Variants in AFDN observed in about 807,000 individuals in gnomAD.
AFDN encodes afadin, adherens junction formation factor, also known as afadin.
A neutral mutation model predicts 216.6 loss-of-function variants in AFDN; 68 were observed. The observed-to-expected ratio is 0.31, with a 90% CI of 0.26 to 0.38. The LOEUF is 0.38. AFDN is among the 10% of genes least tolerant of loss of function. AFDN has a pLI of 1.00. For missense variants in AFDN, 2,136 were observed against 2,342.0 expected, an observed-to-expected ratio of 0.91 and a Z score of 1.82; for synonymous variants, 868 against 853.7, an observed-to-expected ratio of 1.02 and a Z score of -0.29.
At chr6:167,906,403 GTAA>G (rs1230209133) in intron 12 of AFDN, among the ~76,000 whole-genome samples, 2 of 152,310 alleles carry the variant, frequency 1.3e-5, no homozygotes, top group East Asian at 3.9e-4. Flanking sequence ...GTACAGTACA[GTAA>G]TAATCGCTAG....
At position 167,889,282 on chromosome 6, in the gene AFDN, A is replaced by T. The variant is rs774254646; in HGVS notation, c.965A>T (p.Asp322Val). The T allele has an allele frequency of 5.6e-6, 9 of 1,613,930 alleles. No individual in the cohort carries two copies. Among genetic ancestry groups the T allele is most frequent in the African/African-American group, 4.0e-5 (3 of 74,912 alleles). Residue 322 changes from aspartate to valine, a missense_variant, in exon 7 of 34, where the codon GAT becomes GTT. Asp to Val is a radical substitution (Grantham distance 152). This residue lies in a region of AFDN where 817 missense variants were observed against 965.7 expected (regional missense o/e 0.85). Coordinates refer to ENST00000683244, the MANE Select transcript of AFDN (RefSeq NM_001386888.1). ...GCTAAAGAAATTATTCTTGATGATG[A>T]TGAGTGTCCTTTACAAATCTTCAGG... ...KGAKEIILDDDECPLQIFREW... is the reference protein window; with the variant it reads ...KGAKEIILDDVECPLQIFREW...
At chr6:167,833,407 G>T (rs530830459) in intron 1 of AFDN, among the ~76,000 whole-genome samples, 4 of 152,278 alleles carry the variant, frequency 2.6e-5, no homozygotes, top group African/African-American at 9.6e-5. Context: ...TTTGGGGGGT[G>T]TTTTATTGGC....
chr6:167,943,294 T>G (rs1484330478), intron 24 of AFDN, 100 bp downstream of exon 24: 3 of 1,434,380 alleles, frequency 2.1e-6, no homozygotes, highest in African/African-American at 2.8e-5. Flanking sequence ...AGCACTATAG[T>G]GCTTGTTGGA....
chr6:167,963,116 C>G (rs1797203688), intron 31 of AFDN: 1 of 1,065,198 alleles, frequency 9.4e-7, no homozygotes, highest in Non-Finnish European at 1.1e-6. Context: ...TATTTATTTT[C>G]ATGTGTGTGT....
intron 29 of AFDN, among the ~76,000 whole-genome samples, chr6:167,950,034 G>T (rs1795783736): frequency 1.3e-5 from 2 of 152,306 alleles, no homozygotes; most frequent in South Asian, 2.1e-4. Flanking sequence ...CGGCAGCAGG[G>T]AGCGGCGGTA....
chr6:167,944,619 A>T (rs1293636970), intron 26 of AFDN, among the ~76,000 whole-genome samples: 1 of 152,176 alleles, frequency 6.6e-6, no homozygotes. Flanking sequence ...ATTCGTCCTT[A>T]GTTTATCTCA....
Position 167,948,548 on chromosome 6 carries a change from T to C in AFDN, c.3831+70T>C, listed in dbSNP as rs779215909. The C allele has an allele frequency of 8.5e-5, 121 of 1,428,014 alleles. No homozygotes were observed. In the Middle Eastern group the frequency reaches 3.4e-3, roughly 40 times the overall value. 88.5% of individuals were successfully genotyped at this position (1,428,014 alleles called of 1,614,324 possible). On this transcript the variant is annotated intron_variant, in intron 29 of 33. Transcript: ENST00000683244. ...GGACACACTGAGTTCTGAGACACAATTAATATTTTCTATAGAACAGCATTG... is the reference window on the plus strand; with the variant it reads ...GGACACACTGAGTTCTGAGACACAACTAATATTTTCTATAGAACAGCATTG...
intron 20 of AFDN, among the ~76,000 whole-genome samples, chr6:167,918,448 T>G (rs1372461396): frequency 6.6e-6 from 1 of 152,222 alleles, no homozygotes; most frequent in Non-Finnish European, 1.5e-5. Context: ...TTCTTGTGAT[T>G]GAACAATTTC....
At chr6:167,969,251 T>A in intron 33 of AFDN, 53 bp downstream of exon 33, 1 of 1,338,396 alleles carries the variant, frequency 7.5e-7, no homozygotes, top group Non-Finnish European at 1.1e-6. Flanking sequence ...ATGAGCCCTT[T>A]CACTCTTCAC....
intron 2 of AFDN, among the ~76,000 whole-genome samples, chr6:167,865,931 T>G (rs1022709934): frequency 2.0e-5 from 3 of 152,150 alleles, no homozygotes; most frequent in East Asian, 1.9e-4. Context: ...CAGGCCATTT[T>G]TTGTTGTTGT....
At position 167,969,857 on chromosome 6, in the gene AFDN, A is replaced by G; in HGVS notation, c.5418A>G (p.Ser1806=). The change falls in exon 34 of 34, where the codon TCA becomes TCG. Residue 1806 remains serine (S), a synonymous_variant. Coordinates refer to ENST00000683244, the MANE Select transcript of AFDN (RefSeq NM_001386888.1). The part of the protein sequence containing the change: ...LTFKERQRLF[S]QGQDVSNKVK... ...TCAAGGAACGCCAGCGTCTTTTTTC[A>G]CAAGGTCAAGATGTATCCAATAAAG... 1 of 1,613,338 alleles carries G rather than the reference A, an allele frequency of 6.2e-7. No individual in the cohort carries two copies. Among genetic ancestry groups the G allele is most frequent in the Non-Finnish European group, 8.5e-7 (1 of 1,179,720 alleles).
chr6:167,887,726 A>G (rs955668051), intron 6 of AFDN, among the ~76,000 whole-genome samples: 7 of 152,114 alleles, frequency 4.6e-5, no homozygotes, highest in African/African-American at 1.7e-4. Flanking sequence ...CCAAAGTGCT[A>G]GGATTACAGG....
At chr6:167,967,333 A>G (rs570951788) in intron 32 of AFDN, among the ~76,000 whole-genome samples, 1 of 152,252 alleles carries the variant, frequency 6.6e-6, no homozygotes, top group South Asian at 2.1e-4. Context: ...ATTTTGCCAG[A>G]ATTCTGTCTT....
chr6:167,926,566 G>C (rs768724774), intron 23 of AFDN, among the ~76,000 whole-genome samples: 14 of 152,240 alleles, frequency 9.2e-5, no homozygotes, highest in Non-Finnish European at 1.8e-4. Context: ...CAAGTAGCTA[G>C]GACTACAGGA....
At chr6:167,857,865 C>T (rs370215099) in intron 1 of AFDN, among the ~76,000 whole-genome samples, 6 of 152,106 alleles carry the variant, frequency 3.9e-5, no homozygotes, top group African/African-American at 1.2e-4. Flanking sequence ...ATGGCAAAAT[C>T]AGTTATACCC....
chr6:167,870,940 G>A (rs570672381), intron 3 of AFDN, among the ~76,000 whole-genome samples: 1 of 152,262 alleles, frequency 6.6e-6, no homozygotes, highest in South Asian at 2.1e-4. Context: ...TTGAATGATG[G>A]AATAGAGTGA....
chr6:167,964,290 T>G, intron 31 of AFDN: 1 of 1,064,142 alleles, frequency 9.4e-7, no homozygotes, highest in Non-Finnish European at 1.1e-6. Context: ...AGTTGTCTTG[T>G]AATTGTATCT....
At chr6:167,870,228 T>A (rs1253707117) in intron 2 of AFDN, among the ~76,000 whole-genome samples, 158 bp from the exon 3 acceptor site, 1 of 152,232 alleles carries the variant, frequency 6.6e-6, no homozygotes, top group African/African-American at 2.4e-5. Flanking sequence ...AAATGTTGAA[T>A]TAATTAAAAC....
intron 1 of AFDN, among the ~76,000 whole-genome samples, chr6:167,863,046 A>G (rs1212086413): frequency 6.6e-6 from 1 of 152,118 alleles, no homozygotes; most frequent in African/African-American, 2.4e-5. Context: ...TTTGATTTTC[A>G]TAAGTTTGTA....
Sources: gnomAD v4.1 joint callset for allele counts (sites outside exome capture counted in the v4.1 genomes callset) on GRCh38, gnomAD v4.1.1 for gene constraint, gnomAD v4.1.1 regional missense constraint, MANE v1.5 for transcripts, NCBI Gene and HGNC (gene_info 2026-07-23, HGNC 2026-07-21) for gene names.